SYNPO2: variants seen among roughly 807,000 people sequenced by gnomAD.
SYNPO2 encodes the protein synaptopodin-2.
Under a neutral mutation model 85.0 loss-of-function variants are expected in SYNPO2, and 56 were observed. That is an observed-to-expected ratio of 0.66 (90% CI 0.53 to 0.82). The LOEUF is 0.82. SYNPO2 is among the 40% of genes least tolerant of loss of function. The pLI is 0.00. For synonymous variants in SYNPO2, 602 were observed against 591.1 expected, an observed-to-expected ratio of 1.02 and a Z score of -0.27; for missense variants, 1,575 against 1,534.2, an observed-to-expected ratio of 1.03 and a Z score of -0.44.
At chr4:118,873,849 G>T (rs1252905845) in intron 1 of SYNPO2, among the ~76,000 whole-genome samples, 1 of 152,078 alleles carries the variant, frequency 6.6e-6, no homozygotes, top group Non-Finnish European at 1.5e-5. Flanking sequence ...ACCTTGAGTT[G>T]ATTTTCGTAT....
In SYNPO2 at chr4:118,935,215, G is replaced by A. The variant is rs371194992; in HGVS notation, c.105+46074G>A. On this transcript the variant is annotated intron_variant, in intron 1 of 4. Transcript: ENST00000307142. ...GGAAGTAGTTTATTGCTATATGTGT[G>A]AGTAGAAAGAGACTGAGTCTAAATC... Among the ~76,000 whole-genome samples the A allele has an allele frequency of 2.6e-5, 4 of 152,124 alleles. No individual in the cohort carries two copies. The South Asian group carries it at 6.2e-4, about 24-fold the overall frequency.
chr4:118,899,032 C>T (rs956508299), intron 1 of SYNPO2, among the ~76,000 whole-genome samples: 1 of 152,188 alleles, frequency 6.6e-6, no homozygotes, highest in African/African-American at 2.4e-5. Flanking sequence ...GAGGGGAGCA[C>T]TTGCTCTTCC....
intron 1 of SYNPO2, among the ~76,000 whole-genome samples, chr4:119,006,757 T>C (rs1406230689): frequency 6.6e-6 from 1 of 152,162 alleles, no homozygotes; most frequent in East Asian, 1.9e-4. Context: ...CATCTGGAAG[T>C]AGCTGCTCTA....
chr4:118,900,701 C>A (rs62326790), intron 1 of SYNPO2, among the ~76,000 whole-genome samples: 1,859 of 25,830 alleles, frequency 0.072, 10 homozygotes, highest in African/African-American at 0.094. Flanking sequence ...CTCTCTCTCT[C>A]TCTATATATA....
intron 1 of SYNPO2, among the ~76,000 whole-genome samples, chr4:118,900,170 C>T (rs1732675115): frequency 6.6e-6 from 1 of 152,140 alleles, no homozygotes; most frequent in South Asian, 2.1e-4. Context: ...TAATTTCCAG[C>T]CCCAAATCAC....
At chr4:119,018,079 T>A (rs1413913211) in intron 1 of SYNPO2, among the ~76,000 whole-genome samples, 1 of 152,184 alleles carries the variant, frequency 6.6e-6, no homozygotes, top group Non-Finnish European at 1.5e-5. Context: ...ATGTAAATAA[T>A]GTCGTTAAAT....
chr4:119,005,630 G>C (rs1287056763), intron 1 of SYNPO2, among the ~76,000 whole-genome samples: 2 of 150,104 alleles, frequency 1.3e-5, no homozygotes, highest in Non-Finnish European at 3.0e-5. Flanking sequence ...GGTTACTGTA[G>C]CCTTGTAGTA....
chr4:119,022,579 C>T (rs899766423), intron 1 of SYNPO2, among the ~76,000 whole-genome samples: 1 of 129,472 alleles, frequency 7.7e-6, no homozygotes, highest in Non-Finnish European at 1.6e-5. Context: ...TGGTCTCAAA[C>T]TGCTGAGCTC....
At chr4:118,991,968 A>G (rs1161946760) in intron 1 of SYNPO2, among the ~76,000 whole-genome samples, 1 of 152,192 alleles carries the variant, frequency 6.6e-6, no homozygotes, top group Admixed American at 6.5e-5. Context: ...AGGGGAGTTC[A>G]TTCCAGAGTG....
chr4:118,858,789 C>T (rs887346126), intron 1 of SYNPO2, among the ~76,000 whole-genome samples: 2 of 152,246 alleles, frequency 1.3e-5, no homozygotes, highest in African/African-American at 2.4e-5. Context: ...AAAATGCCTA[C>T]TGCATCTGAG....
chr4:118,895,531 TC>T (rs1440563542), intron 1 of SYNPO2, among the ~76,000 whole-genome samples: 4 of 152,220 alleles, frequency 2.6e-5, no homozygotes, highest in African/African-American at 9.6e-5. Flanking sequence ...TAGTGCACAG[TC>T]CCCTAACACA....
chr4:118,995,876 A>G (rs1736568610), intron 1 of SYNPO2, among the ~76,000 whole-genome samples: 1 of 150,470 alleles, frequency 6.6e-6, no homozygotes, highest in South Asian at 2.1e-4. Flanking sequence ...CTATCTATCT[A>G]TCTATCTATC....
chr4:118,984,319 T>C (rs1182494121), intron 1 of SYNPO2, among the ~76,000 whole-genome samples: 1 of 152,224 alleles, frequency 6.6e-6, no homozygotes, highest in Non-Finnish European at 1.5e-5. Context: ...ATAAATACAT[T>C]AGCTATTTAG....
At chr4:118,864,514 T>A (rs1264381562) in intron 1 of SYNPO2, among the ~76,000 whole-genome samples, 1 of 152,216 alleles carries the variant, frequency 6.6e-6, no homozygotes, top group Admixed American at 6.5e-5. Flanking sequence ...GTCTGAAAGA[T>A]CTGTCTGATG....
intron 1 of SYNPO2, among the ~76,000 whole-genome samples, chr4:118,859,815 T>C (rs1731578409): frequency 6.6e-6 from 1 of 152,254 alleles, no homozygotes; most frequent in Admixed American, 6.5e-5. Context: ...CATTCATTGG[T>C]TGATGCGCCC....
intron 1 of SYNPO2, among the ~76,000 whole-genome samples, chr4:118,934,422 TCTCAATGCATAA>T (rs1435060869): frequency 6.6e-6 from 1 of 152,164 alleles, no homozygotes; most frequent in African/African-American, 2.4e-5. Context: ...ACTACATACT[TCTCAATGCATAA>T]CTCATGGGAA....
At chr4:118,981,192 C>G (rs909417135) in intron 1 of SYNPO2, among the ~76,000 whole-genome samples, 1 of 152,210 alleles carries the variant, frequency 6.6e-6, no homozygotes, top group Non-Finnish European at 1.5e-5. Context: ...ATGCAACAAA[C>G]CATGAAGGAC....
intron 1 of SYNPO2, among the ~76,000 whole-genome samples, chr4:118,929,078 GA>G (rs546487782): frequency 2.6e-4 from 32 of 121,146 alleles, no homozygotes; most frequent in African/African-American, 7.7e-4. Context: ...GCCACATAAA[GA>G]AAAAAAAAAG....
intron 1 of SYNPO2, among the ~76,000 whole-genome samples, chr4:118,930,426 A>G (rs1733885254): frequency 1.3e-5 from 2 of 152,216 alleles, no homozygotes; most frequent in South Asian, 4.1e-4. Context: ...GCATTTGCAT[A>G]TTGTATGGGA....
Sources: gnomAD v4.1 joint callset for allele counts (sites outside exome capture counted in the v4.1 genomes callset) on GRCh38, gnomAD v4.1.1 for gene constraint, MANE v1.5 for transcripts, NCBI Gene and HGNC (gene_info 2026-07-23, HGNC 2026-07-21) for gene names.